The following CPED1 variants were observed in gnomAD, a reference collection of about 807,000 sequenced individuals.
CPED1 encodes cadherin-like and PC-esterase domain-containing protein 1.
In CPED1, 114 loss-of-function variants were observed where a neutral mutation model predicts 128.2. That is an observed-to-expected ratio of 0.89 (90% CI 0.76 to 1.04). CPED1 has a LOEUF of 1.04. CPED1 is among the 50% of genes least tolerant of loss of function. The pLI is 0.00. For synonymous variants in CPED1, 462 were observed against 426.7 expected (o/e 1.08, Z -1.02); for missense variants, 1,211 against 1,207.1 (o/e 1.00, Z -0.05).
intron 16 of CPED1, among the ~76,000 whole-genome samples, chr7:121,171,933 A>G (rs1301835078): frequency 6.6e-6 from 1 of 152,268 alleles, no homozygotes; most frequent in Non-Finnish European, 1.5e-5. Flanking sequence ...ATCTGGAACC[A>G]GAAAGTCTTG....
intron 16 of CPED1, among the ~76,000 whole-genome samples, chr7:121,202,431 G>C (rs1370945411): frequency 6.6e-6 from 1 of 152,132 alleles, no homozygotes; most frequent in Non-Finnish European, 1.5e-5. Flanking sequence ...TGCCATAAGA[G>C]GGTTTAAGCC....
intron 4 of CPED1, among the ~76,000 whole-genome samples, chr7:121,059,275 A>G (rs1478672114): frequency 1.3e-5 from 2 of 152,214 alleles, no homozygotes; most frequent in Admixed American, 6.5e-5. Flanking sequence ...ATTTTAAAGC[A>G]TCCCAGGGAA....
At position 121,133,807 on chromosome 7, in the gene CPED1, G is replaced by C; in HGVS notation, c.1578-16G>C. 6.4e-7 allele frequency: 1 copy of C among 1,565,174 alleles called. No homozygotes were observed. Among genetic ancestry groups the C allele is most frequent in the Non-Finnish European group, 8.7e-7 (1 of 1,144,400 alleles). Reference sequence around the variant, plus strand: ...TCATTTCATTAATCCAGAGTTGTTTGGCATTGCATTTGCAGGAATTCTTTC... The same window carrying C: ...TCATTTCATTAATCCAGAGTTGTTTCGCATTGCATTTGCAGGAATTCTTTC... On this transcript the variant is annotated splice_polypyrimidine_tract_variant and intron_variant, in intron 12 of 22. Coordinates refer to ENST00000310396, the MANE Select transcript of CPED1 (RefSeq NM_024913.5).
chr7:121,070,529 G>A (rs1793957950), intron 5 of CPED1, among the ~76,000 whole-genome samples: 1 of 152,040 alleles, frequency 6.6e-6, no homozygotes. Flanking sequence ...TAAGCTGATG[G>A]AACTAATTCA....
At chr7:121,085,213 T>C (rs1794391708) in intron 5 of CPED1, among the ~76,000 whole-genome samples, 1 of 152,170 alleles carries the variant, frequency 6.6e-6, no homozygotes, top group Non-Finnish European at 1.5e-5. Context: ...CCTGTGTCTG[T>C]GCTGAGGTGC....
chr7:121,073,158 G>A (rs1215491602), intron 5 of CPED1, among the ~76,000 whole-genome samples: 1 of 152,062 alleles, frequency 6.6e-6, no homozygotes, highest in Admixed American at 6.6e-5. Context: ...CACATACTTT[G>A]TATGCTGTAT....
intron 16 of CPED1, among the ~76,000 whole-genome samples, chr7:121,226,992 A>G (rs1798029797): frequency 1.3e-5 from 2 of 152,086 alleles, no homozygotes; most frequent in Admixed American, 1.3e-4. Context: ...CAAGGAATCC[A>G]TTTGGAAATT....
chr7:121,011,954 C>A (rs1240275332), intron 2 of CPED1, among the ~76,000 whole-genome samples: 1 of 151,946 alleles, frequency 6.6e-6, no homozygotes, highest in Non-Finnish European at 1.5e-5. Context: ...GGTGAGACAC[C>A]ACGTTGGACC....
chr7:121,050,538 A>G (rs1412023864), intron 4 of CPED1: 1 of 171,004 alleles, frequency 5.8e-6, no homozygotes, highest in African/African-American at 2.7e-5. Flanking sequence ...ATCTCAGCCC[A>G]TTGCAACATC....
intron 16 of CPED1, 142 bp from the exon 17 acceptor site, chr7:121,236,572 A>G: frequency 2.2e-6 from 1 of 456,878 alleles, no homozygotes; most frequent in Non-Finnish European, 3.9e-6. Context: ...AACTATTGAT[A>G]AGCTAGCAGG....
At chr7:121,244,804 C>T (rs1798487339) in intron 18 of CPED1, among the ~76,000 whole-genome samples, 1 of 152,196 alleles carries the variant, frequency 6.6e-6, no homozygotes, top group African/African-American at 2.4e-5. Context: ...TGTTTTTACG[C>T]ACTAACCTTA....
At chr7:121,047,419 T>C (rs915266916) in intron 4 of CPED1, among the ~76,000 whole-genome samples, 3 of 152,162 alleles carry the variant, frequency 2.0e-5, no homozygotes, top group African/African-American at 7.2e-5. Context: ...TACTTACTCT[T>C]TATATCGTGT....
rs1207794262 is a variant in CPED1, at chr7:121,211,593, T to TG, written c.2056-25120dup. On this transcript the variant is annotated intron_variant, in intron 16 of 22. Transcript: ENST00000310396. Reference sequence around the variant, plus strand: ...ACGTGACATATTCTGGAGATCAGCTTGAACTATCACAGGGCTGTGGATTGT... The same window carrying TG: ...ACGTGACATATTCTGGAGATCAGCTTGGAACTATCACAGGGCTGTGGATTGT... 5.9e-3 allele frequency among the ~76,000 whole-genome samples: 29 copies of TG among 4,930 alleles called. No individual in the cohort carries two copies. The South Asian group carries it at 0.15, about 25-fold the overall frequency. 3.2% of individuals were successfully genotyped at this position (4,930 alleles called of 152,430 possible). A position where few individuals can be genotyped will look rare whatever the true frequency, so the allele number is the denominator to read the frequency against.
chr7:121,007,230 CATT>C (rs1226018273), intron 2 of CPED1, among the ~76,000 whole-genome samples: 3 of 115,848 alleles, frequency 2.6e-5, no homozygotes, highest in Non-Finnish European at 5.3e-5. Context: ...GTTCAGGTTG[CATT>C]TTTTTTTTTT....
intron 7 of CPED1, among the ~76,000 whole-genome samples, chr7:121,102,256 A>G (rs1391784951): frequency 2.0e-5 from 3 of 152,046 alleles, no homozygotes; most frequent in African/African-American, 7.2e-5. Context: ...CATGATATAT[A>G]TTGTTCAGTT....
intron 3 of CPED1, among the ~76,000 whole-genome samples, chr7:121,037,016 G>T (rs530258953): frequency 6.6e-6 from 1 of 152,026 alleles, no homozygotes; most frequent in African/African-American, 2.4e-5. Context: ...ATTTGTTTGA[G>T]TTCCTTGTAT....
intron 16 of CPED1, among the ~76,000 whole-genome samples, chr7:121,201,298 G>A (rs1262635482): frequency 6.6e-6 from 1 of 152,090 alleles, no homozygotes; most frequent in Non-Finnish European, 1.5e-5. Flanking sequence ...CTGGCTTGGT[G>A]GCACACACCT....
intron 5 of CPED1, among the ~76,000 whole-genome samples, chr7:121,073,137 C>G (rs1053223660): frequency 6.6e-6 from 1 of 152,110 alleles, no homozygotes; most frequent in African/African-American, 2.4e-5. Flanking sequence ...ATAAAATAAA[C>G]AGTCAATTAA....
chr7:120,989,937 C>T lies in CPED1; in HGVS notation c.249+67C>T. 1.9e-6 allele frequency: 3 copies of T among 1,574,134 alleles called. No homozygotes were observed. In the East Asian group the frequency reaches 6.7e-5, roughly 35 times the overall value. ...ACAGCAATCTGCTTCTCTGTCCTTT[C>T]TATAAAACTAAAATTAACTTCCATG... On this transcript the variant is annotated intron_variant, in intron 2 of 22. Transcript: ENST00000310396.
Sources: gnomAD v4.1 joint callset for allele counts (sites outside exome capture counted in the v4.1 genomes callset) on GRCh38, gnomAD v4.1.1 for gene constraint, MANE v1.5 for transcripts, NCBI Gene and HGNC (gene_info 2026-07-23, HGNC 2026-07-21) for gene names.